Variants in ADGRE1 observed in about 807,000 individuals in gnomAD.
ADGRE1 encodes the protein EGF-like module receptor 1.
ADGRE1 carries 82 observed loss-of-function variants against 102.7 expected under a neutral mutation model. That is an observed-to-expected ratio of 0.80 (90% CI 0.67 to 0.96). The LOEUF is 0.96. Ranked by LOEUF, ADGRE1 falls within the 40% of genes least tolerant of loss-of-function variation. ADGRE1 has a pLI of 0.00. For missense variants in ADGRE1, 1,032 were observed against 1,085.3 expected, an observed-to-expected ratio of 0.95 and a Z score of 0.69; for synonymous variants, 398 against 399.6, an observed-to-expected ratio of 1.00 and a Z score of 0.05.
intron 10 of ADGRE1, among the ~76,000 whole-genome samples, chr19:6,911,673 A>C (rs1360442161): frequency 6.6e-6 from 1 of 151,608 alleles, no homozygotes; most frequent in Non-Finnish European, 1.5e-5. Context: ...ATACACATAC[A>C]TACAAATACA....
Position 6,917,739 on chromosome 19 carries a change from C to CAAAA in ADGRE1, c.1420+1385_1420+1388dup, listed in dbSNP as rs35172767. Among the ~76,000 whole-genome samples the CAAAA allele has an allele frequency of 1.1e-3, 127 of 116,372 alleles. 2 individuals carry two copies. The Middle Eastern group carries it at 0.032, about 29-fold the overall frequency. The allele number at this position is 116,372 out of a possible 152,430, so 76.3% of individuals were successfully genotyped here. On this transcript the variant is annotated intron_variant, in intron 12 of 20. Transcript: ENST00000312053. ...TGGGTGACAGAATGAGACTCCATCT[C>CAAAA]AAAAAAAAAAAAAAAAAGAATTGAG...
intron 19 of ADGRE1, 50 bp from the exon 20 acceptor site, chr19:6,937,494 C>G: frequency 1.2e-6 from 2 of 1,607,364 alleles, no homozygotes; most frequent in Non-Finnish European, 1.7e-6. Context: ...CCCAACATCC[C>G]TGTCACTGGA....
intron 12 of ADGRE1, among the ~76,000 whole-genome samples, chr19:6,917,062 C>T (rs1398384692): frequency 6.6e-6 from 1 of 152,122 alleles, no homozygotes; most frequent in Non-Finnish European, 1.5e-5. Context: ...TTAATACAGC[C>T]TCTATCACAA....
intron 5 of ADGRE1, chr19:6,898,250 C>A: frequency 1.4e-6 from 2 of 1,465,722 alleles, no homozygotes; most frequent in South Asian, 1.3e-5. Flanking sequence ...TTTTTTTTGG[C>A]AAAATACAGT....
intron 14 of ADGRE1, among the ~76,000 whole-genome samples, chr19:6,924,264 C>G (rs1446509484): frequency 6.6e-6 from 1 of 152,020 alleles, no homozygotes; most frequent in African/African-American, 2.4e-5. Context: ...CCCACTCCAC[C>G]ATGAAATTGG....
intron 14 of ADGRE1, among the ~76,000 whole-genome samples, chr19:6,922,397 T>C (rs1046141334): frequency 1.5e-4 from 22 of 151,014 alleles, no homozygotes; most frequent in Non-Finnish European, 3.0e-4. Context: ...GGGCGGATCA[T>C]GAGGTCAAGA....
chr19:6,904,354 T>TATTAATTAATTA (rs10638051), intron 8 of ADGRE1, among the ~76,000 whole-genome samples, 172 bp downstream of exon 8: 4 of 151,260 alleles, frequency 2.6e-5, no homozygotes, highest in African/African-American at 4.9e-5. Flanking sequence ...TTGGAGTACC[T>TATTAATTAATTA]ATTAATTAAT....
At chr19:6,900,129 T>C (rs1973712779) in intron 5 of ADGRE1, among the ~76,000 whole-genome samples, 1 of 151,810 alleles carries the variant, frequency 6.6e-6, no homozygotes, top group African/African-American at 2.4e-5. Flanking sequence ...TTTAATCTTT[T>C]CTCTCCCTTC....
In ADGRE1 at chr19:6,891,953, G is replaced by T. The variant is rs1599709013; in HGVS notation, c.94+1410G>T. On this transcript the variant is annotated intron_variant, in intron 2 of 20. Transcript: ENST00000312053. ...AGAATTTGGAGGACCGAGCGAAGGT[G>T]AGTGTGACTGATGACACAGGGCAGG... 2.0e-5 allele frequency among the ~76,000 whole-genome samples: 3 copies of T among 152,118 alleles called. 1 individual carries two copies. In the South Asian group the frequency reaches 6.2e-4, roughly 32 times the overall value.
At chr19:6,915,199 G>A (rs571260486) in intron 11 of ADGRE1, among the ~76,000 whole-genome samples, 4 of 152,014 alleles carry the variant, frequency 2.6e-5, no homozygotes, top group Non-Finnish European at 5.9e-5. Flanking sequence ...GTAGAAATGA[G>A]GTCTTGCTAT....
chr19:6,910,042 G>A (rs1211831684), intron 10 of ADGRE1, among the ~76,000 whole-genome samples: 2 of 151,922 alleles, frequency 1.3e-5, no homozygotes, highest in Non-Finnish European at 2.9e-5. Context: ...CCAAAAGCTA[G>A]TTTTTCTTAA....
At chr19:6,935,490 GT>G (rs998984421) in intron 18 of ADGRE1, among the ~76,000 whole-genome samples, 15 of 151,578 alleles carry the variant, frequency 9.9e-5, no homozygotes, top group African/African-American at 2.7e-4. Context: ...GTTTTTTATG[GT>G]TTTTTTTCTC....
intron 10 of ADGRE1, among the ~76,000 whole-genome samples, chr19:6,910,300 C>T: frequency 6.6e-6 from 1 of 151,874 alleles, no homozygotes; most frequent in East Asian, 1.9e-4. Flanking sequence ...TTCCAATTCC[C>T]CCCTCCCGCT....
At chr19:6,909,710 T>G (rs1285883078) in intron 10 of ADGRE1, among the ~76,000 whole-genome samples, 1 of 151,738 alleles carries the variant, frequency 6.6e-6, no homozygotes, top group African/African-American at 2.4e-5. Flanking sequence ...TGGTTGGTGG[T>G]TTTTTTTGTT....
chr19:6,940,218 T>C lies in ADGRE1; in HGVS notation c.*189T>C, dbSNP rs955616275. 13 of 650,314 alleles carry C rather than the reference T, an allele frequency of 2.0e-5. No individual in the cohort carries two copies. Among genetic ancestry groups the C allele is most frequent in the South Asian group, 1.5e-4 (8 of 51,948 alleles). The allele number at this position is 650,314 out of a possible 1,614,324, so 40.3% of individuals were successfully genotyped here. A position where few individuals can be genotyped will look rare whatever the true frequency, so the allele number is the denominator to read the frequency against. On this transcript the variant is annotated 3_prime_UTR_variant, in exon 21 of 21. Transcript: ENST00000312053. ...GTATGCACTGATGAGAAATCAGGCG[T>C]TTCTGCTCCAAACGACCATTTTATC...
chr19:6,905,357 T>C (rs1973915115), intron 8 of ADGRE1, among the ~76,000 whole-genome samples: 1 of 117,640 alleles, frequency 8.5e-6, no homozygotes, highest in African/African-American at 4.8e-5. Flanking sequence ...TTTGTTTTTT[T>C]TTCTTTTTTT....
chr19:6,921,701 T>G lies in ADGRE1; in HGVS notation c.1621-12T>G. 2 of 1,545,726 alleles carry G rather than the reference T, an allele frequency of 1.3e-6. No homozygotes were observed. Among genetic ancestry groups the G allele is most frequent in the Non-Finnish European group, 8.7e-7 (1 of 1,150,116 alleles). ...GAAGACCTTTGTTTTTTTGTTTTTT[T>G]GTTTTTTTTAGCCAAAGCAGAAGTT... On this transcript the variant is annotated splice_polypyrimidine_tract_variant and intron_variant, in intron 13 of 20. Transcript: ENST00000312053.
At chr19:6,939,648 C>G (rs988111477) in intron 20 of ADGRE1, among the ~76,000 whole-genome samples, 16 of 152,106 alleles carry the variant, frequency 1.1e-4, no homozygotes, top group Non-Finnish European at 8.8e-5. Flanking sequence ...TGGACAGGAC[C>G]AGAAAGCCCT....
chr19:6,934,074 G>A (rs1975280093), intron 17 of ADGRE1, among the ~76,000 whole-genome samples: 1 of 152,148 alleles, frequency 6.6e-6, no homozygotes. Context: ...ACGAGAGTCA[G>A]CTACCATCAT....
Sources: allele counts gnomAD v4.1 joint callset (sites outside exome capture counted in the v4.1 genomes callset), GRCh38; gene constraint gnomAD v4.1.1; transcripts MANE v1.5; gene names NCBI Gene and HGNC (gene_info 2026-07-23, HGNC 2026-07-21).